RGS8: variants seen among roughly 807,000 people sequenced by gnomAD.
RGS8 encodes regulator of G protein signaling 8.
In RGS8, 8 loss-of-function variants were observed where a neutral mutation model predicts 21.7. That is an observed-to-expected ratio of 0.37 (90% confidence interval 0.22 to 0.66). The LOEUF is 0.66. Among genes scored for constraint, RGS8 ranks in the 30% least tolerant of loss-of-function variants. RGS8 has a pLI of 0.59. For synonymous variants in RGS8, 80 were observed against 83.6 expected, an observed-to-expected ratio of 0.96 and a Z score of 0.24; for missense variants, 157 against 217.9, an observed-to-expected ratio of 0.72 and a Z score of 1.76.
chr1:182,669,795 A>G (rs1664062948), intron 2 of RGS8, 43 bp from the exon 4 acceptor site: 1 of 1,507,000 alleles, frequency 6.6e-7, no homozygotes, highest in African/African-American at 1.4e-5. Context: ...ACCCTCTCTC[A>G]TCTGACTGCA....
chr1:182,739,972 C>T, the RGS8 span, among the ~76,000 whole-genome samples: 4 of 152,190 alleles, frequency 2.6e-5, no homozygotes, highest in African/African-American at 9.7e-5. Flanking sequence ...TCCCAACACC[C>T]AACCCCCAAC....
chr1:182,677,062 G>T (rs917604581), upstream of RGS8, among the ~76,000 whole-genome samples: 3 of 151,528 alleles, frequency 2.0e-5, no homozygotes, highest in Non-Finnish European at 4.4e-5. Flanking sequence ...GCAAGGAGAT[G>T]AAAAAAACAA....
the RGS8 span, among the ~76,000 whole-genome samples, chr1:182,708,791 A>G: frequency 6.6e-6 from 1 of 152,226 alleles, no homozygotes; most frequent in African/African-American, 2.4e-5. Context: ...CTGTTGTGTC[A>G]GCAGGAAGCC....
intron 3 of RGS8, 55 bp from the exon 5 acceptor site, chr1:182,667,028 A>C: frequency 7.1e-7 from 1 of 1,398,668 alleles, no homozygotes; most frequent in Non-Finnish European, 1.0e-6. Context: ...CACAGCTGTC[A>C]GCTCTATACA....
intron 1 of RGS8, among the ~76,000 whole-genome samples, chr1:182,679,136 T>C (rs530241442): frequency 6.6e-6 from 1 of 152,276 alleles, no homozygotes; most frequent in East Asian, 1.9e-4. Flanking sequence ...ACAAAAACAA[T>C]GTTCATCTCT....
chr1:182,671,657 T>C, exon 2 of RGS8: 1 of 1,614,042 alleles, frequency 6.2e-7, no homozygotes, highest in Non-Finnish European at 8.5e-7. Flanking sequence ...CAATACTCAC[T>C]GTCTTTGGCC....
the RGS8 span, among the ~76,000 whole-genome samples, chr1:182,726,858 C>G: frequency 1.3e-5 from 2 of 152,134 alleles, no homozygotes; most frequent in African/African-American, 4.8e-5. Context: ...TGCAGCAGGT[C>G]CCTTGTCTCA....
intron 2 of RGS8, among the ~76,000 whole-genome samples, chr1:182,671,153 A>G (rs1391680612): frequency 6.6e-6 from 1 of 152,116 alleles, no homozygotes; most frequent in Non-Finnish European, 1.5e-5. Flanking sequence ...CATGCTGTTC[A>G]GTTGCCTGTC....
chr1:182,645,230 T>C (rs999147075), downstream of RGS8: 10 of 152,374 alleles, frequency 6.6e-5, no homozygotes, highest in East Asian at 1.9e-4. Flanking sequence ...CATGTGCTGT[T>C]CCACTTAGTC....
the RGS8 span, among the ~76,000 whole-genome samples, chr1:182,741,406 G>T: frequency 7.4e-6 from 1 of 134,912 alleles, no homozygotes; most frequent in Non-Finnish European, 1.6e-5. Context: ...GCCGGGCGGG[G>T]GGCTGACCCC....
At chr1:182,722,946 C>G in the RGS8 span, among the ~76,000 whole-genome samples, 1 of 151,598 alleles carries the variant, frequency 6.6e-6, no homozygotes, top group Non-Finnish European at 1.5e-5. Context: ...CCACTGCACT[C>G]CAGCCTGGGT....
At chr1:182,712,206 G>A in the RGS8 span, among the ~76,000 whole-genome samples, 1 of 152,162 alleles carries the variant, frequency 6.6e-6, no homozygotes, top group Admixed American at 6.5e-5. Context: ...ATCATCATGT[G>A]CCAATCCTGC....
the RGS8 span, among the ~76,000 whole-genome samples, chr1:182,707,311 C>T: frequency 6.6e-6 from 1 of 152,138 alleles, no homozygotes; most frequent in Admixed American, 6.5e-5. Flanking sequence ...GGAGCTGGTC[C>T]AGCTGAGGAA....
the RGS8 span, among the ~76,000 whole-genome samples, chr1:182,720,982 T>TAC: frequency 1.1e-4 from 7 of 62,234 alleles, no homozygotes; most frequent in East Asian, 8.9e-4. Flanking sequence ...TATACATATA[T>TAC]ACACATATAT....
At chr1:182,706,476 C>A in the RGS8 span, among the ~76,000 whole-genome samples, 1 of 151,296 alleles carries the variant, frequency 6.6e-6, no homozygotes, top group Non-Finnish European at 1.5e-5. Flanking sequence ...TTTTGTTTTT[C>A]CTTTTTTGAG....
rs1571359473 is a variant in RGS8 at position 182,683,371 on chromosome 1, C to T, written n.221+985G>A. Among the ~76,000 whole-genome samples, 7 of 152,276 alleles carry T rather than the reference C, an allele frequency of 4.6e-5. No homozygotes were observed. The South Asian group carries it at 1.5e-3, about 32-fold the overall frequency. On this transcript the variant is annotated intron_variant and non_coding_transcript_variant, in intron 1 of 4. Transcript: ENST00000515211. ...TCTCATGAATACAGTTATCTCACTC[C>T]CACTTGCCAGCACCTCCTCCATTTT...
chr1:182,715,177 G>T, the RGS8 span, among the ~76,000 whole-genome samples: 1 of 152,206 alleles, frequency 6.6e-6, no homozygotes, highest in African/African-American at 2.4e-5. Flanking sequence ...ATAAGAGGAA[G>T]TCTGGAGTTT....
At chr1:182,697,775 C>T in the RGS8 span, among the ~76,000 whole-genome samples, 2 of 152,138 alleles carry the variant, frequency 1.3e-5, no homozygotes, top group East Asian at 1.9e-4. Context: ...CTATCCCTCA[C>T]CCCAGCCAAT....
At chr1:182,684,943 C>T (rs528671027), upstream of RGS8, among the ~76,000 whole-genome samples, 106 of 152,220 alleles carry the variant, frequency 7.0e-4, 1 homozygote, top group African/African-American at 2.5e-3. This position sits in a 1 kb window ranked among gnomAD's most constrained non-coding sequence, Gnocchi z 4.2. Flanking sequence ...TGAGAGATGG[C>T]GAAGGGGGAA....
Sources: allele counts gnomAD v4.1 joint callset (sites outside exome capture counted in the v4.1 genomes callset), GRCh38; gene constraint gnomAD v4.1.1; non-coding constraint Gnocchi (gnomAD v3.1); transcripts MANE v1.5; gene names NCBI Gene and HGNC (gene_info 2026-07-23, HGNC 2026-07-21).